RIMS2: variants seen among roughly 807,000 people sequenced by gnomAD.
RIMS2 encodes the protein regulating synaptic membrane exocytosis protein 2.
Under a neutral mutation model 174.4 loss-of-function variants are expected in RIMS2, and 59 were observed. The observed-to-expected ratio is 0.34, with a 90% CI of 0.27 to 0.42. The LOEUF (loss-of-function observed/expected upper bound fraction) is 0.42, where lower values mean the gene tolerates loss of function less well. Ranked by LOEUF, RIMS2 falls within the 10% of genes least tolerant of loss-of-function variation. The pLI is 1.00. For missense variants in RIMS2, 1,620 were observed against 1,666.3 expected (o/e 0.97, Z 0.48); for synonymous variants, 606 against 572.5 (o/e 1.06, Z -0.84).
intron 1 of RIMS2, among the ~76,000 whole-genome samples, chr8:103,599,507 C>T (rs550413033): frequency 6.6e-6 from 1 of 151,354 alleles, no homozygotes; most frequent in East Asian, 1.9e-4. Context: ...GGTGTGATCT[C>T]TGCTCAATGC....
At chr8:103,874,638 CTT>C (rs2099127023) in intron 3 of RIMS2, among the ~76,000 whole-genome samples, 1 of 151,904 alleles carries the variant, frequency 6.6e-6, no homozygotes, top group Non-Finnish European at 1.5e-5. Flanking sequence ...GCTAAAGAAA[CTT>C]TTCTATAAAA....
intron 3 of RIMS2, among the ~76,000 whole-genome samples, chr8:103,829,537 T>C (rs1011744356): frequency 2.0e-5 from 3 of 152,282 alleles, no homozygotes; most frequent in South Asian, 2.1e-4. Context: ...ATAGAAAGTA[T>C]GACATTATCT....
chr8:103,536,096 C>A (rs906616061), intron 1 of RIMS2, among the ~76,000 whole-genome samples: 1 of 152,066 alleles, frequency 6.6e-6, no homozygotes, highest in Non-Finnish European at 1.5e-5. Context: ...TTAGTGTCAT[C>A]ATATTGTGTT....
At chr8:103,961,123 T>G in exon 15 of RIMS2, 2 of 1,425,836 alleles carry the variant, frequency 1.4e-6, no homozygotes, top group South Asian at 2.3e-5. Flanking sequence ...ATGGAATTGG[T>G]GTAGTATCAG....
At chr8:103,955,668 G>A (rs2086925376) in intron 14 of RIMS2, among the ~76,000 whole-genome samples, 1 of 152,148 alleles carries the variant, frequency 6.6e-6, no homozygotes, top group Non-Finnish European at 1.5e-5. Context: ...AAAACTGGAA[G>A]CATTCCCTTT....
chr8:103,649,074 G>GT (rs1312544783), intron 1 of RIMS2, among the ~76,000 whole-genome samples: 5 of 152,264 alleles, frequency 3.3e-5, no homozygotes, highest in Admixed American at 3.3e-4. Context: ...GTAGTGGGTA[G>GT]TAATTGTTTT....
chr8:103,675,254 T>A (rs1391990413), intron 1 of RIMS2, among the ~76,000 whole-genome samples: 1 of 152,190 alleles, frequency 6.6e-6, no homozygotes, highest in African/African-American at 2.4e-5. Flanking sequence ...AAGTCTTTCC[T>A]AGTAGTCCTG....
At chr8:104,180,412 T>G (rs999881763) in intron 19 of RIMS2, among the ~76,000 whole-genome samples, 1 of 151,494 alleles carries the variant, frequency 6.6e-6, no homozygotes, top group Non-Finnish European at 1.5e-5. Flanking sequence ...TCATTTTCAT[T>G]TTTTTCAGTA....
chr8:103,866,682 GACAT>G (rs1431764194), intron 3 of RIMS2, among the ~76,000 whole-genome samples: 7 of 152,190 alleles, frequency 4.6e-5, no homozygotes, highest in African/African-American at 1.4e-4. Flanking sequence ...TGTATAATCT[GACAT>G]GGTAATATGC....
intron 19 of RIMS2, among the ~76,000 whole-genome samples, chr8:104,109,990 AT>A (rs1179897727): frequency 2.0e-5 from 3 of 152,216 alleles, no homozygotes; most frequent in Non-Finnish European, 4.4e-5. Flanking sequence ...AACAAAACCT[AT>A]CCCTTTCCTC....
In RIMS2 at chr8:103,985,236, G is replaced by T. The variant is rs191950131; in HGVS notation, c.2928-4069G>T. ...TACACCTGTAATCCCAGCACTTTGG[G>T]AGGCCAAGGCAGATGGATAATGAGG... On this transcript the variant is annotated intron_variant, in intron 16 of 23. Coordinates refer to ENST00000504942, the Ensembl canonical transcript of RIMS2. Among the ~76,000 whole-genome samples, 70 of 152,142 alleles carry T rather than the reference G, an allele frequency of 4.6e-4. 1 individual carries two copies. In the Middle Eastern group the frequency reaches 0.017, roughly 37 times the overall value.
intron 1 of RIMS2, among the ~76,000 whole-genome samples, chr8:103,694,252 G>A (rs2097069441): frequency 6.6e-6 from 1 of 152,094 alleles, no homozygotes; most frequent in Non-Finnish European, 1.5e-5. Flanking sequence ...TGCTGTGTTG[G>A]GCTGATGCTT....
chr8:103,792,707 A>C (rs1435820598), intron 3 of RIMS2, among the ~76,000 whole-genome samples: 4 of 151,630 alleles, frequency 2.6e-5, no homozygotes, highest in African/African-American at 9.7e-5. Context: ...AGAAGAAAAG[A>C]GAGAAGAATC....
intron 1 of RIMS2, among the ~76,000 whole-genome samples, chr8:103,635,594 A>G (rs2096057436): frequency 6.6e-6 from 1 of 152,174 alleles, no homozygotes; most frequent in African/African-American, 2.4e-5. Context: ...TCCCTCTGGG[A>G]GCTTTGTCAC....
At chr8:103,898,845 G>A (rs1199473324) in intron 4 of RIMS2, among the ~76,000 whole-genome samples, 6 of 151,192 alleles carry the variant, frequency 4.0e-5, no homozygotes, top group Non-Finnish European at 8.8e-5. Flanking sequence ...TTTACATTAG[G>A]TATATCTCCT....
At chr8:103,535,062 G>A (rs1416257753) in intron 1 of RIMS2, among the ~76,000 whole-genome samples, 1 of 152,066 alleles carries the variant, frequency 6.6e-6, no homozygotes, top group Non-Finnish European at 1.5e-5. Flanking sequence ...CTAAAAGAAT[G>A]TTTTTTTGCC....
intron 1 of RIMS2, among the ~76,000 whole-genome samples, chr8:103,566,623 AAT>A (rs1466258194): frequency 6.6e-6 from 1 of 152,170 alleles, no homozygotes; most frequent in African/African-American, 2.4e-5. Flanking sequence ...CCTTCTATCT[AAT>A]TGTATGCTAA....
chr8:103,665,979 A>G (rs1360691644), intron 1 of RIMS2, among the ~76,000 whole-genome samples: 1 of 152,194 alleles, frequency 6.6e-6, no homozygotes, highest in Non-Finnish European at 1.5e-5. Flanking sequence ...TATTTAGTAC[A>G]TATTTCAGTT....
intron 19 of RIMS2, among the ~76,000 whole-genome samples, chr8:104,130,506 G>A (rs940545114): frequency 1.3e-5 from 2 of 152,114 alleles, no homozygotes; most frequent in Non-Finnish European, 2.9e-5. Context: ...GAAGAGGATT[G>A]GGGGACCTAC....
Sources: allele counts gnomAD v4.1 joint callset (sites outside exome capture counted in the v4.1 genomes callset), GRCh38; gene constraint gnomAD v4.1.1; transcripts MANE v1.5; gene names NCBI Gene and HGNC (gene_info 2026-07-23, HGNC 2026-07-21).